Variants in ASTN2 observed in about 807,000 individuals in gnomAD.
ASTN2 encodes the protein astrotactin 2, also known as astrotactin-2.
In ASTN2, 54 loss-of-function variants were observed where a neutral mutation model predicts 139.8. The ratio of observed to expected loss-of-function variants is 0.39; its 90% confidence interval spans 0.31 to 0.48. ASTN2 has a LOEUF of 0.48. ASTN2 is among the 20% of genes least tolerant of loss of function. ASTN2 has a pLI of 0.95. For synonymous variants in ASTN2, 756 were observed against 719.5 expected, an observed-to-expected ratio of 1.05 and a Z score of -0.81; for missense variants, 1,565 against 1,725.1, an observed-to-expected ratio of 0.91 and a Z score of 1.64.
At chr9:116,630,102 G>C (rs950670185) in intron 17 of ASTN2, among the ~76,000 whole-genome samples, 8 of 152,206 alleles carry the variant, frequency 5.3e-5, no homozygotes, top group Non-Finnish European at 1.0e-4. Flanking sequence ...TGCTCAGTGA[G>C]AAATGACATG....
At chr9:116,680,778 T>C (rs1399322108) in intron 16 of ASTN2, among the ~76,000 whole-genome samples, 3 of 152,184 alleles carry the variant, frequency 2.0e-5, no homozygotes, top group South Asian at 2.1e-4. Context: ...AAAAATCACA[T>C]GATTATCTCA....
chr9:116,669,459 G>A (rs761816307), intron 16 of ASTN2, among the ~76,000 whole-genome samples: 10 of 152,152 alleles, frequency 6.6e-5, no homozygotes, highest in Middle Eastern at 3.2e-3. Flanking sequence ...AAGTGGCTGC[G>A]CATTTTGCAT....
At chr9:117,068,555 A>G (rs1044550133) in intron 5 of ASTN2, among the ~76,000 whole-genome samples, 4 of 114,006 alleles carry the variant, frequency 3.5e-5, no homozygotes, top group African/African-American at 1.0e-4. Flanking sequence ...CTCTTTTTCT[A>G]TTGATTGGAA....
chr9:117,008,325 C>T, intron 6 of ASTN2, 66 bp from the exon 7 acceptor site: 1 of 1,437,024 alleles, frequency 7.0e-7, no homozygotes, highest in Non-Finnish European at 9.3e-7. Context: ...TGCTACAGAA[C>T]ACAGAAAGGT....
chr9:117,293,421 A>T (rs1261296610), intron 1 of ASTN2, among the ~76,000 whole-genome samples: 1 of 144,568 alleles, frequency 6.9e-6, no homozygotes, highest in Non-Finnish European at 1.6e-5. Context: ...TTCCAAGTAA[A>T]AGACAAAGTG....
At chr9:116,974,994 A>T (rs915575751) in intron 10 of ASTN2, among the ~76,000 whole-genome samples, 3 of 152,170 alleles carry the variant, frequency 2.0e-5, no homozygotes, top group Non-Finnish European at 4.4e-5. Context: ...ATTTAATATA[A>T]CCAAAAAGGA....
At chr9:116,469,479 G>C (rs1471394643) in intron 20 of ASTN2, among the ~76,000 whole-genome samples, 1 of 152,130 alleles carries the variant, frequency 6.6e-6, no homozygotes, top group African/African-American at 2.4e-5. Context: ...AGCTCAGCAG[G>C]AGGGAATATA....
chr9:117,233,836 A>T (rs1360436518), intron 2 of ASTN2, among the ~76,000 whole-genome samples: 1 of 152,190 alleles, frequency 6.6e-6, no homozygotes, highest in African/African-American at 2.4e-5. Flanking sequence ...TGAGTGTAAC[A>T]GTGGTCATAA....
chr9:117,184,287 T>C (rs1831144848), intron 3 of ASTN2, among the ~76,000 whole-genome samples: 3 of 152,158 alleles, frequency 2.0e-5, no homozygotes. Flanking sequence ...GCCAAGGACA[T>C]AGCTGGAGCT....
chr9:116,980,177 G>C (rs1836470310), intron 7 of ASTN2, among the ~76,000 whole-genome samples: 1 of 151,872 alleles, frequency 6.6e-6, no homozygotes. Flanking sequence ...CGCCTTTTTG[G>C]TTTCAGCTTT....
intron 11 of ASTN2, among the ~76,000 whole-genome samples, chr9:116,854,811 T>C (rs4837948): frequency 0.68 from 102,779 of 151,704 alleles, 35,032 homozygotes; most frequent in Non-Finnish European, 0.72. Flanking sequence ...GCCACCACGC[T>C]CTGCTAATTT....
Position 116,913,469 on chromosome 9 carries a change from C to T in ASTN2, c.1890-49736G>A, listed in dbSNP as rs1285256224. 3.9e-5 allele frequency among the ~76,000 whole-genome samples: 6 copies of T among 152,166 alleles called. No individual in the cohort carries two copies. The South Asian group carries it at 1.2e-3, about 32-fold the overall frequency. On this transcript the variant is annotated intron_variant, in intron 10 of 22. Transcript: ENST00000313400. ...GAACTCCAGGCTCTTTCCTGATTCCCATGAAACCCCGCTGGCTTTGTCATT... is the reference window on the plus strand; with the variant it reads ...GAACTCCAGGCTCTTTCCTGATTCCTATGAAACCCCGCTGGCTTTGTCATT...
intron 19 of ASTN2, among the ~76,000 whole-genome samples, chr9:116,574,479 T>C (rs1407154337): frequency 6.6e-6 from 1 of 152,194 alleles, no homozygotes; most frequent in Non-Finnish European, 1.5e-5. Flanking sequence ...TTCTAAGCCC[T>C]GAGGGTGAGC....
intron 2 of ASTN2, among the ~76,000 whole-genome samples, chr9:117,267,871 G>C (rs1050753195): frequency 6.6e-6 from 1 of 152,074 alleles, no homozygotes; most frequent in African/African-American, 2.4e-5. Flanking sequence ...TGGTATGTGG[G>C]GTGAACTGAG....
chr9:116,451,737 C>T lies in ASTN2; in HGVS notation c.3498-9184G>A, dbSNP rs182498558. Reference sequence around the variant, plus strand: ...CCTACAGGACTCTCATTTTTTTGTACGAAAAAATGATGACAATTCTTGCCC... The same window carrying T: ...CCTACAGGACTCTCATTTTTTTGTATGAAAAAATGATGACAATTCTTGCCC... On this transcript the variant is annotated intron_variant, in intron 20 of 22. Transcript: ENST00000313400. Among the ~76,000 whole-genome samples, 323 of 151,900 alleles carry T rather than the reference C, an allele frequency of 2.1e-3. 1 individual carries two copies. The highest frequency in any genetic ancestry group is 6.8e-3 in the African/African-American group (283 of 41,434).
At chr9:117,413,622 A>C (rs777558352) in intron 1 of ASTN2, among the ~76,000 whole-genome samples, 2 of 152,192 alleles carry the variant, frequency 1.3e-5, no homozygotes, top group Non-Finnish European at 1.5e-5. Flanking sequence ...CTCCTCCGGG[A>C]TTCGCGCAGG....
At position 116,994,794 on chromosome 9, in the gene ASTN2, C is replaced by T. The variant is rs139996083; in HGVS notation, c.1591+13298G>A. 6.2e-4 allele frequency among the ~76,000 whole-genome samples: 94 copies of T among 152,298 alleles called. 1 individual carries two copies. The highest frequency in any genetic ancestry group is 5.6e-3 in the East Asian group (29 of 5,184). Reference sequence around the variant, plus strand: ...CACCAGAGGAAGCCTTCCCTGATTGCTAAGGCTCACAATAACTTTTTTAGG... The same window carrying T: ...CACCAGAGGAAGCCTTCCCTGATTGTTAAGGCTCACAATAACTTTTTTAGG... On this transcript the variant is annotated intron_variant, in intron 7 of 22. Transcript: ENST00000313400.
intron 1 of ASTN2, among the ~76,000 whole-genome samples, chr9:117,298,687 T>TATAC (rs984607691): frequency 7.7e-6 from 1 of 129,124 alleles, no homozygotes; most frequent in African/African-American, 2.7e-5. Context: ...TATATATATA[T>TATAC]ATATGTGCAT....
intron 1 of ASTN2, among the ~76,000 whole-genome samples, chr9:117,304,980 C>T (rs377078768): frequency 2.0e-5 from 3 of 152,196 alleles, no homozygotes; most frequent in African/African-American, 4.8e-5. Flanking sequence ...CCCACCAGAA[C>T]AGTGTGTGCC....
Sources: gnomAD v4.1 joint callset for allele counts (sites outside exome capture counted in the v4.1 genomes callset) on GRCh38, gnomAD v4.1.1 for gene constraint, MANE v1.5 for transcripts, NCBI Gene and HGNC (gene_info 2026-07-23, HGNC 2026-07-21) for gene names.